The following FBXO30 variants were observed in gnomAD, a reference collection of about 807,000 sequenced individuals.
FBXO30 encodes F-box only protein 30.
FBXO30 carries 21 observed loss-of-function variants against 58.1 expected under a neutral mutation model. The ratio of observed to expected loss-of-function variants is 0.36; its 90% CI spans 0.26 to 0.52. The LOEUF (loss-of-function observed/expected upper bound fraction) is 0.52, where lower values mean the gene tolerates loss of function less well. FBXO30 is among the 20% of genes least tolerant of loss of function. The probability of loss-of-function intolerance (pLI) is 0.93; values close to 1 mark genes in which losing one functional copy is unlikely to be tolerated. For synonymous variants in FBXO30, 309 were observed against 312.4 expected (o/e 0.99, Z 0.11); for missense variants, 744 against 897.3 (o/e 0.83, Z 2.18).
At chr6:145,801,436 C>T (rs953821052) in intron 2 of FBXO30, among the ~76,000 whole-genome samples, 2 of 151,696 alleles carry the variant, frequency 1.3e-5, no homozygotes, top group African/African-American at 4.8e-5. Context: ...TGTTTTTTAG[C>T]TCATCAGTTA....
At position 145,804,575 on chromosome 6, in the gene FBXO30, C is replaced by A; in HGVS notation, c.1831G>T (p.Asp611Tyr). 3 of 1,613,692 alleles carry A rather than the reference C, an allele frequency of 1.9e-6. No homozygotes were observed. In the South Asian group the frequency reaches 3.3e-5, roughly 18 times the overall value. ...ARNCVLGLHN[D>Y]HLSSLPFEVL... ...TCAAAAGGAAGACTACTTAGATGGT[C>A]ATTATGTAATCCCAACACACAGTTT... The change falls in exon 2 of 3, where the codon GAC becomes TAC. Residue 611 changes from aspartate (D) to tyrosine (Y), a missense_variant. Asp to Tyr is a radical substitution (Grantham distance 160). Transcript: ENST00000237281.
At chr6:145,808,006 C>T (rs1338243084) in intron 1 of FBXO30, among the ~76,000 whole-genome samples, 1 of 151,880 alleles carries the variant, frequency 6.6e-6, no homozygotes, top group African/African-American at 2.4e-5. Context: ...GTGACATGCA[C>T]CTGTAGTCCC....
At chr6:145,813,437 C>CTTT (rs1778390664) in intron 1 of FBXO30, among the ~76,000 whole-genome samples, 1 of 151,838 alleles carries the variant, frequency 6.6e-6, no homozygotes, top group Non-Finnish European at 1.5e-5. Flanking sequence ...TGATGAGAAA[C>CTTT]AGTGACTAAG....
chr6:145,797,303 T>C lies in FBXO30; in HGVS notation c.*2803A>G, dbSNP rs946606725. 8 of 152,012 alleles carry C rather than the reference T, an allele frequency of 5.3e-5. No homozygotes were observed. Among genetic ancestry groups the C allele is most frequent in the African/African-American group, 1.9e-4 (8 of 41,412 alleles). The allele number at this position is 152,012 out of a possible 1,614,324, so 9.4% of individuals were successfully genotyped here. ...TGTATTTTGTCATATGGCTGTAAAA[T>C]TGAGACAACATATATAGTTTAACCA... On this transcript the variant is annotated 3_prime_UTR_variant, in exon 3 of 3. Coordinates refer to ENST00000237281, the MANE Select transcript of FBXO30 (RefSeq NM_032145.5).
chr6:145,806,975 T>TA (rs1159102022), intron 1 of FBXO30, among the ~76,000 whole-genome samples: 1 of 152,238 alleles, frequency 6.6e-6, no homozygotes, highest in Non-Finnish European at 1.5e-5. Flanking sequence ...TATGCCTTAA[T>TA]AAATTCTGCC....
rs1777857847 is a variant in FBXO30, at chr6:145,795,811, A to G, written c.*4295T>C. 2 of 151,932 alleles carry G rather than the reference A, an allele frequency of 1.3e-5. No homozygotes were observed. Among genetic ancestry groups the G allele is most frequent in the African/African-American group, 4.8e-5 (2 of 41,420 alleles). 9.4% of individuals were successfully genotyped at this position (151,932 alleles called of 1,614,324 possible). A position where few individuals can be genotyped will look rare whatever the true frequency, so the allele number is the denominator to read the frequency against. ...TGTACTGGCCAATTATGAAGATTAT[A>G]TATGTCAAATAAACATGTATAAGCA... On this transcript the variant is annotated 3_prime_UTR_variant, in exon 3 of 3. Coordinates refer to ENST00000237281, the MANE Select transcript of FBXO30 (RefSeq NM_032145.5).
At chr6:145,802,072 G>A (rs1026665274) in intron 2 of FBXO30, among the ~76,000 whole-genome samples, 5 of 151,318 alleles carry the variant, frequency 3.3e-5, no homozygotes, top group Non-Finnish European at 3.0e-5. Flanking sequence ...TTGGTTCCCT[G>A]AGAGTCCCAC....
In FBXO30 at chr6:145,804,763, T is replaced by A. The variant is rs1778111146; in HGVS notation, c.1643A>T (p.Asn548Ile). The change falls in exon 2 of 3, where the codon AAT becomes ATT. Residue 548 changes from asparagine (N) to isoleucine (I), a missense_variant. Physicochemically the swap from Asn to Ile is moderately radical, Grantham distance 149. Transcript: ENST00000237281. ...NVHGDIHAGLNGWMEQRCPLA... is the reference protein window; with the variant it reads ...NVHGDIHAGLIGWMEQRCPLA... Reference sequence around the variant, plus strand: ...AGGGCACCTCTGTTCCATCCAGCCATTGAGTCCAGCATGAATGTCACCATG... The same window carrying A: ...AGGGCACCTCTGTTCCATCCAGCCAATGAGTCCAGCATGAATGTCACCATG... 1 of 1,613,988 alleles carries A rather than the reference T, an allele frequency of 6.2e-7. No individual in the cohort carries two copies. The highest frequency in any genetic ancestry group is 8.5e-7 in the Non-Finnish European group (1 of 1,179,904).
rs1021026419 is a variant in FBXO30, at chr6:145,798,129, T to C, written c.*1977A>G. On this transcript the variant is annotated 3_prime_UTR_variant, in exon 3 of 3. Transcript: ENST00000237281. Reference sequence around the variant, plus strand: ...ACATTACAGAAACAATATGATTGTGTTGGAATTTGTCAAACAAGTATTAAA... The same window carrying C: ...ACATTACAGAAACAATATGATTGTGCTGGAATTTGTCAAACAAGTATTAAA... The C allele has an allele frequency of 7.9e-5, 12 of 152,094 alleles. No homozygotes were observed. Among genetic ancestry groups the C allele is most frequent in the African/African-American group, 2.9e-4 (12 of 41,446 alleles). The allele number at this position is 152,094 out of a possible 1,614,324, so 9.4% of individuals were successfully genotyped here.
Position 145,800,253 on chromosome 6 carries a change from G to T in FBXO30, c.2091C>A (p.Ile697=). 3.1e-6 allele frequency: 5 copies of T among 1,612,922 alleles called. No individual in the cohort carries two copies. The highest frequency in any genetic ancestry group is 4.2e-6 in the Non-Finnish European group (5 of 1,179,288). Reference sequence around the variant, plus strand: ...TCTTCAAGTGGTCTGCCATGCTTAGGATGTCAGCAAATTTCCATTCATTAA... The same window carrying T: ...TCTTCAAGTGGTCTGCCATGCTTAGTATGTCAGCAAATTTCCATTCATTAA... ...CSVNEWKFAD[I]LSMADHLKKC... The change falls in exon 3 of 3, where the codon ATC becomes ATA. Residue 697 remains isoleucine, a synonymous_variant. Transcript: ENST00000237281.
chr6:145,800,173 A>G lies in FBXO30; in HGVS notation c.2171T>C (p.Met724Thr), dbSNP rs764411179. 6.2e-7 allele frequency: 1 copy of G among 1,613,184 alleles called. No homozygotes were observed. Among genetic ancestry groups the G allele is most frequent in the Non-Finnish European group, 8.5e-7 (1 of 1,179,352 alleles). The change falls in exon 3 of 3, where the codon ATG (methionine) becomes ACG (threonine). Residue 724 changes from methionine (M) to threonine (T), a missense_variant. By Grantham distance (81) the Met-to-Thr change is moderately conservative (BLOSUM62 -1). This residue lies in a region of FBXO30 where 334 missense variants were observed against 433.7 expected (regional missense o/e 0.77). Coordinates refer to ENST00000237281, the MANE Select transcript of FBXO30 (RefSeq NM_032145.5). ...KREEAIPLPC[M>T]CVTRELTKEG... The stretch of plus-strand genomic sequence containing the variant: ...TTTAGTGAGTTCTCGTGTCACACAC[A>G]TACATGGCAAAGGGATTGCTTCCTC...
At position 145,804,532 on chromosome 6, in the gene FBXO30, G is replaced by A. The variant is rs2128665885; in HGVS notation, c.1874C>T (p.Ala625Val). 2 of 1,613,724 alleles carry A rather than the reference G, an allele frequency of 1.2e-6. No individual in the cohort carries two copies. Among genetic ancestry groups the A allele is most frequent in the South Asian group, 2.2e-5 (2 of 91,068 alleles). The stretch of plus-strand genomic sequence containing the variant: ...TAAGCTGAAGCCATCGAGAAAGCCT[G>A]CAATATGCTGCAGGACCTCAAAAGG... ...SLPFEVLQHI[A>V]GFLDGFSLCQ... Residue 625 changes from alanine to valine, a missense_variant, in exon 2 of 3, where the codon GCA becomes GTA. Coordinates refer to ENST00000237281, the MANE Select transcript of FBXO30 (RefSeq NM_032145.5).
chr6:145,805,961 C>T lies in FBXO30; in HGVS notation c.445G>A (p.Val149Ile). The T allele has an allele frequency of 6.2e-7, 1 of 1,614,036 alleles. No individual in the cohort carries two copies. The highest frequency in any genetic ancestry group is 8.5e-7 in the Non-Finnish European group (1 of 1,179,976). Residue 149 changes from valine to isoleucine, a missense_variant, in exon 2 of 3, where the codon GTA becomes ATA. Around this residue, in one of 3 missense-constraint regions of FBXO30, gnomAD observed 135 missense variants for 201.6 expected, o/e 0.67. Coordinates refer to ENST00000237281, the MANE Select transcript of FBXO30 (RefSeq NM_032145.5). ...ATMMSKATDK[V>I]SKPREQISVK... ...GAGATTTGTTCTCTAGGTTTGGATACTTTATCAGTTGCTTTTGACATCATG... is the reference window on the plus strand; with the variant it reads ...GAGATTTGTTCTCTAGGTTTGGATATTTTATCAGTTGCTTTTGACATCATG...
At chr6:145,806,516 C>G in intron 1 of FBXO30, 95 bp from the exon 2 acceptor site, 1 of 915,970 alleles carries the variant, frequency 1.1e-6, no homozygotes, top group South Asian at 1.7e-5. Context: ...TATCTAATAT[C>G]TTGGTTTATT....
Position 145,796,980 on chromosome 6 carries a change from T to C in FBXO30, c.*3126A>G, listed in dbSNP as rs1045163088. On this transcript the variant is annotated 3_prime_UTR_variant, in exon 3 of 3. Coordinates refer to ENST00000237281, the MANE Select transcript of FBXO30 (RefSeq NM_032145.5). ...TACTACTTGTAAACAAGAGATCCAA[T>C]CTTTCATAACATCTTATTGATAGGG... 7.9e-5 allele frequency: 12 copies of C among 151,952 alleles called. No individual in the cohort carries two copies. Among genetic ancestry groups the C allele is most frequent in the African/African-American group, 2.9e-4 (12 of 41,408 alleles). 9.4% of individuals were successfully genotyped at this position (151,952 alleles called of 1,614,324 possible). A position where few individuals can be genotyped will look rare whatever the true frequency, so the allele number is the denominator to read the frequency against.
At chr6:145,813,770 T>C (rs1778406594) in intron 1 of FBXO30, among the ~76,000 whole-genome samples, 3 of 152,312 alleles carry the variant, frequency 2.0e-5, no homozygotes, top group Non-Finnish European at 4.4e-5. Context: ...GAAGTAATCA[T>C]GGAATAAAAG....
At position 145,804,958 on chromosome 6, in the gene FBXO30, C is replaced by T; in HGVS notation, c.1448G>A (p.Cys483Tyr). The change falls in exon 2 of 3, where the codon TGT becomes TAT. Residue 483 changes from cysteine (C) to tyrosine (Y), a missense_variant. Transcript: ENST00000237281. Reference sequence around the variant, plus strand: ...TGAAAGCTGTGGATTGGCATGATCACAAGCTGAAGCTGAAGCTATCTCCCC... The same window carrying T: ...TGAAAGCTGTGGATTGGCATGATCATAAGCTGAAGCTGAAGCTATCTCCCC... ...MVGEIASASA[C>Y]DHANPQLSNP... The T allele has an allele frequency of 6.2e-7, 1 of 1,613,902 alleles. No individual in the cohort carries two copies. Among genetic ancestry groups the T allele is most frequent in the Non-Finnish European group, 8.5e-7 (1 of 1,179,904 alleles).
chr6:145,814,567 G>A (rs971199230), intron 1 of FBXO30, 36 bp downstream of exon 1: 1 of 151,630 alleles, frequency 6.6e-6, no homozygotes, highest in Non-Finnish European at 1.5e-5. Flanking sequence ...CAGCGCGGAC[G>A]GCGCCGGCCT....
intron 1 of FBXO30, among the ~76,000 whole-genome samples, chr6:145,809,139 C>T (rs1778265563): frequency 6.6e-6 from 1 of 151,906 alleles, no homozygotes. Flanking sequence ...GAATTTTAGA[C>T]ATAAGTATAG....
Sources: allele counts gnomAD v4.1 joint callset (sites outside exome capture counted in the v4.1 genomes callset), GRCh38; gene constraint gnomAD v4.1.1; regional missense constraint gnomAD v4.1.1; transcripts MANE v1.5; gene names NCBI Gene and HGNC (gene_info 2026-07-23, HGNC 2026-07-21).